Variants in BICD1 observed in about 807,000 individuals in gnomAD.
The protein encoded by BICD1 is BICD cargo adaptor 1.
BICD1 carries 35 observed loss-of-function variants against 92.5 expected under a neutral mutation model. That is an observed-to-expected ratio of 0.38 (90% CI 0.29 to 0.50). The LOEUF is 0.50. Ranked by LOEUF, BICD1 falls within the 20% of genes least tolerant of loss-of-function variation. The pLI is 0.93. For missense variants in BICD1, 950 were observed against 1,189.8 expected, an observed-to-expected ratio of 0.80 and a Z score of 2.97; for synonymous variants, 429 against 465.1, an observed-to-expected ratio of 0.92 and a Z score of 1.00.
chr12:32,193,532 T>C (rs779601372), intron 1 of BICD1, among the ~76,000 whole-genome samples: 2 of 152,166 alleles, frequency 1.3e-5, no homozygotes, highest in African/African-American at 2.4e-5. Flanking sequence ...ATACCTGTAT[T>C]ATAGCTAATA....
chr12:32,113,007 C>A (rs1298998597), intron 1 of BICD1, among the ~76,000 whole-genome samples: 1 of 152,108 alleles, frequency 6.6e-6, no homozygotes, highest in African/African-American at 2.4e-5. Context: ...AGGTCTCTTC[C>A]CAGGGCCACA....
intron 9 of BICD1, among the ~76,000 whole-genome samples, chr12:32,374,817 C>G (rs926187889): frequency 6.9e-6 from 1 of 145,948 alleles, no homozygotes; most frequent in Admixed American, 6.9e-5. Context: ...GAACTCCCAA[C>G]CACAGGTGAT....
chr12:32,248,667 C>A (rs553312083), intron 2 of BICD1, among the ~76,000 whole-genome samples: 1 of 152,112 alleles, frequency 6.6e-6, no homozygotes, highest in Non-Finnish European at 1.5e-5. Context: ...AGCTGGGGAG[C>A]CCAAGATGCA....
chr12:32,258,508 G>C (rs12231813), intron 2 of BICD1, among the ~76,000 whole-genome samples: 9,183 of 152,100 alleles, frequency 0.06, 383 homozygotes, highest in East Asian at 0.22. Context: ...AAGAGATAAA[G>C]AGAAGACAGC....
In BICD1 at chr12:32,327,365, G is replaced by A. The variant is rs1592678909; in HGVS notation, c.1006-96G>A. On this transcript the variant is annotated intron_variant, in intron 4 of 9. Coordinates refer to ENST00000652176, the MANE Select transcript of BICD1 (RefSeq NM_001714.4). Reference sequence around the variant, plus strand: ...TAGTGGGAACATTGGCTCTGCTGCAGTGATTTTAAGTGTATACATGCCCGA... The same window carrying A: ...TAGTGGGAACATTGGCTCTGCTGCAATGATTTTAAGTGTATACATGCCCGA... 4.3e-6 allele frequency: 6 copies of A among 1,403,146 alleles called. No homozygotes were observed. In the East Asian group the frequency reaches 1.4e-4, roughly 33 times the overall value. The allele number at this position is 1,403,146 out of a possible 1,614,324, so 86.9% of individuals were successfully genotyped here.
intron 2 of BICD1, among the ~76,000 whole-genome samples, chr12:32,258,465 A>G (rs1239398): frequency 0.65 from 99,218 of 151,844 alleles, 32,954 homozygotes; most frequent in African/African-American, 0.77. Context: ...CGTGTGTGGA[A>G]ACGAGAGATC....
At chr12:32,113,210 A>G (rs533168139) in intron 1 of BICD1, among the ~76,000 whole-genome samples, 1 of 152,116 alleles carries the variant, frequency 6.6e-6, no homozygotes, top group Non-Finnish European at 1.5e-5. Context: ...CACGTCTAAG[A>G]GCTATTTGGG....
chr12:32,298,641 C>A (rs1345799758), intron 3 of BICD1, among the ~76,000 whole-genome samples: 1 of 148,928 alleles, frequency 6.7e-6, no homozygotes, highest in Non-Finnish European at 1.5e-5. Flanking sequence ...GAGGCCGAGG[C>A]GGGCAGATCA....
At chr12:32,117,735 C>CACACAT (rs1268394426) in intron 1 of BICD1, among the ~76,000 whole-genome samples, 59 of 134,510 alleles carry the variant, frequency 4.4e-4, no homozygotes, top group African/African-American at 1.4e-3. Flanking sequence ...CACACACACA[C>CACACAT]ATATATATAT....
At chr12:32,225,136 CA>C (rs1218366516) in intron 2 of BICD1, among the ~76,000 whole-genome samples, 1 of 152,176 alleles carries the variant, frequency 6.6e-6, no homozygotes, top group East Asian at 1.9e-4. Context: ...CTCTGATAAC[CA>C]ATGATCTATT....
At chr12:32,170,567 C>G (rs1798582) in intron 1 of BICD1, among the ~76,000 whole-genome samples, 1 of 152,180 alleles carries the variant, frequency 6.6e-6, no homozygotes, top group Non-Finnish European at 1.5e-5. Flanking sequence ...GATCTAGATT[C>G]TATGTCCTCA....
At chr12:32,162,591 A>G (rs1291169889) in intron 1 of BICD1, among the ~76,000 whole-genome samples, 1 of 152,198 alleles carries the variant, frequency 6.6e-6, no homozygotes, top group Non-Finnish European at 1.5e-5. Flanking sequence ...GTGCCTGGCT[A>G]ATGGTAATTC....
chr12:32,350,032 C>T (rs1170879678), intron 8 of BICD1, among the ~76,000 whole-genome samples: 2 of 152,172 alleles, frequency 1.3e-5, no homozygotes, highest in African/African-American at 2.4e-5. Flanking sequence ...GAAAATTGAC[C>T]TTTCTACACA....
At chr12:32,287,962 G>A (rs900688834) in intron 2 of BICD1, among the ~76,000 whole-genome samples, 2 of 152,198 alleles carry the variant, frequency 1.3e-5, no homozygotes, top group East Asian at 3.9e-4. Context: ...GCTGACTGCA[G>A]GCTGGGCCAC....
intron 1 of BICD1, among the ~76,000 whole-genome samples, chr12:32,121,667 C>T (rs1311205476): frequency 6.6e-6 from 1 of 152,020 alleles, no homozygotes; most frequent in Admixed American, 6.6e-5. Context: ...GCCCAGGAGG[C>T]AGAGACTGCA....
intron 4 of BICD1, among the ~76,000 whole-genome samples, chr12:32,319,786 G>A (rs1948599537): frequency 6.6e-6 from 1 of 151,986 alleles, no homozygotes; most frequent in African/African-American, 2.4e-5. Context: ...CCATGTTCAG[G>A]CTGGTCTCAA....
At chr12:32,151,879 T>C (rs1159419494) in intron 1 of BICD1, among the ~76,000 whole-genome samples, 1 of 152,210 alleles carries the variant, frequency 6.6e-6, no homozygotes, top group African/African-American at 2.4e-5. Flanking sequence ...TAGTGGAAGA[T>C]GGAGGCTTCA....
At chr12:32,367,575 C>A in intron 8 of BICD1, 95 bp from the exon 9 acceptor site, 1 of 1,144,910 alleles carries the variant, frequency 8.7e-7, no homozygotes, top group Non-Finnish European at 1.3e-6. Flanking sequence ...GCACATTCCT[C>A]ACTAAATCTC....
chr12:32,325,534 G>A lies in BICD1; in HGVS notation c.1006-1927G>A, dbSNP rs953493558. Among the ~76,000 whole-genome samples the A allele has an allele frequency of 5.3e-5, 8 of 152,178 alleles. No individual in the cohort carries two copies. The South Asian group carries it at 8.3e-4, about 16-fold the overall frequency. ...TGAAACTTACCCATATCAGAACCTC[G>A]CCAAGAGAGGACTACCATGAAAGTT... On this transcript the variant is annotated intron_variant, in intron 4 of 9. Coordinates refer to ENST00000652176, the MANE Select transcript of BICD1 (RefSeq NM_001714.4).
Sources: gnomAD v4.1 joint callset for allele counts (sites outside exome capture counted in the v4.1 genomes callset) on GRCh38, gnomAD v4.1.1 for gene constraint, MANE v1.5 for transcripts, NCBI Gene and HGNC (gene_info 2026-07-23, HGNC 2026-07-21) for gene names.